The following PAPOLG variants were observed in gnomAD, a reference collection of about 807,000 sequenced individuals.
PAPOLG encodes poly(A) polymerase gamma.
Under a neutral mutation model 99.0 loss-of-function variants are expected in PAPOLG, and 40 were observed. That is an observed-to-expected ratio of 0.40 (90% confidence interval 0.31 to 0.53). The LOEUF is 0.53. PAPOLG is among the 20% of genes least tolerant of loss of function. The probability of loss-of-function intolerance (pLI) is 0.41; values close to 1 mark genes in which losing one functional copy is unlikely to be tolerated. For synonymous variants in PAPOLG, 310 were observed against 299.3 expected, an observed-to-expected ratio of 1.04 and a Z score of -0.37; for missense variants, 675 against 884.1, an observed-to-expected ratio of 0.76 and a Z score of 3.00.
At chr2:60,757,610 A>G (rs995300105) in intron 1 of PAPOLG, among the ~76,000 whole-genome samples, 2 of 152,208 alleles carry the variant, frequency 1.3e-5, no homozygotes, top group Admixed American at 6.5e-5. Context: ...TTTTAGTTGT[A>G]ATTAATTAAT....
chr2:60,786,589 C>T (rs1467522132), intron 13 of PAPOLG, among the ~76,000 whole-genome samples: 1 of 151,014 alleles, frequency 6.6e-6, no homozygotes, highest in East Asian at 1.9e-4. Flanking sequence ...AGTGCAGTGG[C>T]ACAATCTCAG....
intron 17 of PAPOLG, among the ~76,000 whole-genome samples, chr2:60,793,080 C>G (rs1280630557): frequency 1.3e-5 from 2 of 151,938 alleles, no homozygotes; most frequent in Non-Finnish European, 2.9e-5. Context: ...TAGTGCACAC[C>G]TGTAGTCCCA....
intron 17 of PAPOLG, 140 bp downstream of exon 17, chr2:60,792,429 C>A: frequency 1.2e-6 from 1 of 838,022 alleles, no homozygotes; most frequent in Non-Finnish European, 1.8e-6. Context: ...CAATTTCTTG[C>A]TTAGAAATAA....
chr2:60,770,431 T>G, intron 5 of PAPOLG, 27 bp from the exon 6 acceptor site: 1 of 1,570,088 alleles, frequency 6.4e-7, no homozygotes, highest in Non-Finnish European at 8.6e-7. Flanking sequence ...TACACCTATG[T>G]GTTATAATTG....
At chr2:60,780,421 G>A (rs1401098409) in intron 9 of PAPOLG, among the ~76,000 whole-genome samples, 4 of 151,886 alleles carry the variant, frequency 2.6e-5, no homozygotes, top group South Asian at 2.1e-4. Context: ...GACTATAAGC[G>A]TGCACCACTA....
At chr2:60,794,677 T>C (rs534725292) in intron 19 of PAPOLG, 33 bp from the exon 20 acceptor site, 52 of 1,577,914 alleles carry the variant, frequency 3.3e-5, no homozygotes, top group African/African-American at 1.6e-4. Flanking sequence ...TGTAGGTACA[T>C]AATAGCAATC....
intron 9 of PAPOLG, among the ~76,000 whole-genome samples, chr2:60,780,294 T>A (rs1046764769): frequency 3.5e-4 from 53 of 151,308 alleles, no homozygotes; most frequent in African/African-American, 6.1e-4. Context: ...TTTTTTTTTT[T>A]AATTGAGACA....
At position 60,787,634 on chromosome 2, in the gene PAPOLG, A is replaced by T. The variant is rs776258220; in HGVS notation, c.1396+14A>T. The T allele has an allele frequency of 1.2e-6, 2 of 1,610,850 alleles. No homozygotes were observed. The highest frequency in any genetic ancestry group is 1.7e-6 in the Non-Finnish European group (2 of 1,178,474). ...TTACTGATACAGGTAAGACTCCATC[A>T]TCATAGAGCTGTGATTCTCAAACCT... On this transcript the variant is annotated intron_variant, in intron 15 of 21. Coordinates refer to ENST00000238714, the MANE Select transcript of PAPOLG (RefSeq NM_022894.4).
In PAPOLG at chr2:60,760,307, A is replaced by G; in HGVS notation, c.179+12A>G. The G allele has an allele frequency of 6.3e-7, 1 of 1,596,466 alleles. No individual in the cohort carries two copies. Among genetic ancestry groups the G allele is most frequent in the Non-Finnish European group, 8.6e-7 (1 of 1,166,048 alleles). ...GAATTGAACCACAGGTATGTCATTG[A>G]AAACCATAAAATATTTGACAGTGCA... is the stretch of plus-strand genomic sequence containing the variant. On this transcript the variant is annotated intron_variant, in intron 2 of 21. Transcript: ENST00000238714.
chr2:60,786,967 A>G lies in PAPOLG; in HGVS notation c.1187A>G (p.Lys396Arg). The G allele has an allele frequency of 6.2e-7, 1 of 1,610,604 alleles. No homozygotes were observed. Among genetic ancestry groups the G allele is most frequent in the Non-Finnish European group, 8.5e-7 (1 of 1,178,160 alleles). ...HLEWVGLVES[K>R]IRVLVGNLER... is the part of the protein sequence containing the mutation. ...TTTAGGGTTGGATTAGTAGAATCTA[A>G]AATCCGTGTACTTGTTGGAAACTTG... Residue 396 changes from lysine (K) to arginine (R), a missense_variant, in exon 14 of 22, where the codon AAA becomes AGA. Physicochemically the swap from Lys to Arg is conservative, Grantham distance 26. Around this residue, in one of 3 missense-constraint regions of PAPOLG, gnomAD observed 413 missense variants for 460.5 expected, o/e 0.90. Transcript: ENST00000238714.
chr2:60,765,951 A>T (rs1670664468), intron 3 of PAPOLG, among the ~76,000 whole-genome samples: 1 of 152,160 alleles, frequency 6.6e-6, no homozygotes. Context: ...CTGTCTCTTT[A>T]AAAAATCTGA....
intron 21 of PAPOLG, among the ~76,000 whole-genome samples, chr2:60,796,044 C>T (rs768121701): frequency 2.2e-4 from 34 of 152,068 alleles, no homozygotes; most frequent in Admixed American, 8.5e-4. Flanking sequence ...GTCCTTATTG[C>T]CCTGGTGTCT....
At chr2:60,782,451 G>A (rs1037080775) in intron 11 of PAPOLG, among the ~76,000 whole-genome samples, 2 of 151,836 alleles carry the variant, frequency 1.3e-5, no homozygotes, top group Non-Finnish European at 2.9e-5. Context: ...CAGCTACTCA[G>A]GAGCCTGGGG....
intron 8 of PAPOLG, among the ~76,000 whole-genome samples, chr2:60,778,312 AATTTTATTTT>A (rs70959864): frequency 2.2e-4 from 33 of 147,952 alleles, no homozygotes; most frequent in East Asian, 1.2e-3. Flanking sequence ...ACACCCGGCT[AATTTTATTTT>A]ATTTTATTTT....
chr2:60,764,410 A>C, intron 3 of PAPOLG, among the ~76,000 whole-genome samples: 1 of 150,968 alleles, frequency 6.6e-6, no homozygotes. Context: ...TAGGTAAACA[A>C]CTGCAGATTT....
At chr2:60,789,858 G>A (rs1291695202) in intron 15 of PAPOLG, among the ~76,000 whole-genome samples, 1 of 152,238 alleles carries the variant, frequency 6.6e-6, no homozygotes, top group Non-Finnish European at 1.5e-5. Flanking sequence ...GGGAGGCCAA[G>A]GCGGGCAAAT....
At chr2:60,777,038 C>T (rs1030971431) in intron 8 of PAPOLG, among the ~76,000 whole-genome samples, 2 of 152,206 alleles carry the variant, frequency 1.3e-5, no homozygotes, top group African/African-American at 2.4e-5. Flanking sequence ...GACTTTTCTT[C>T]TGCACCTTCC....
rs754380492 is a variant in PAPOLG at position 60,760,303 on chromosome 2, A to C, written c.179+8A>C. On this transcript the variant is annotated splice_region_variant and intron_variant, in intron 2 of 21. Coordinates refer to ENST00000238714, the MANE Select transcript of PAPOLG (RefSeq NM_022894.4). ...GGAAGAATTGAACCACAGGTATGTCATTGAAAACCATAAAATATTTGACAG... is the reference window on the plus strand; with the variant it reads ...GGAAGAATTGAACCACAGGTATGTCCTTGAAAACCATAAAATATTTGACAG... 1 of 1,599,690 alleles carries C rather than the reference A, an allele frequency of 6.3e-7. No homozygotes were observed. Among genetic ancestry groups the C allele is most frequent in the Non-Finnish European group, 8.6e-7 (1 of 1,169,028 alleles).
chr2:60,771,685 T>C (rs1195779672), intron 7 of PAPOLG, 55 bp downstream of exon 7: 12 of 1,554,286 alleles, frequency 7.7e-6, no homozygotes, highest in Non-Finnish European at 1.0e-5. Flanking sequence ...TAGAGAAATA[T>C]AGATATTTTT....
Sources: gnomAD v4.1 joint callset for allele counts (sites outside exome capture counted in the v4.1 genomes callset) on GRCh38, gnomAD v4.1.1 for gene constraint, gnomAD v4.1.1 regional missense constraint, MANE v1.5 for transcripts, NCBI Gene and HGNC (gene_info 2026-07-23, HGNC 2026-07-21) for gene names.